AS3MT: variants seen among roughly 807,000 people sequenced by gnomAD.
The protein encoded by AS3MT is arsenite methyltransferase.
In AS3MT, 47 loss-of-function variants were observed where a neutral mutation model predicts 45.3. The ratio of observed to expected loss-of-function variants is 1.04; its 90% CI spans 0.82 to 1.32. The LOEUF is 1.32. AS3MT is among the 40% of genes most tolerant of loss of function. AS3MT has a pLI of 0.00. For missense variants in AS3MT, 396 were observed against 451.1 expected (o/e 0.88, Z 1.11); for synonymous variants, 141 against 152.8 (o/e 0.92, Z 0.57).
chr10:102,880,211 A>G lies in AS3MT; in HGVS notation c.885+1220A>G, dbSNP rs1391287441. 2.6e-5 allele frequency among the ~76,000 whole-genome samples: 4 copies of G among 152,220 alleles called. No individual in the cohort carries two copies. In the East Asian group the frequency reaches 5.8e-4, roughly 22 times the overall value. ...AATTGGCATTTTTACTGCCCTGTGCATAGTAAGATTTGTTTTCTCAAAATG... is the reference window on the plus strand; with the variant it reads ...AATTGGCATTTTTACTGCCCTGTGCGTAGTAAGATTTGTTTTCTCAAAATG... On this transcript the variant is annotated intron_variant, in intron 9 of 10. Coordinates refer to ENST00000369880, the MANE Select transcript of AS3MT (RefSeq NM_020682.4).
At chr10:102,876,332 C>A (rs1484121235) in intron 6 of AS3MT, among the ~76,000 whole-genome samples, 7 of 5,030 alleles carry the variant, frequency 1.4e-3, no homozygotes, top group East Asian at 9.3e-3. Context: ...CCTCTAACTC[C>A]TGAGTTAGAG....
intron 6 of AS3MT, among the ~76,000 whole-genome samples, chr10:102,875,142 A>G (rs926305869): frequency 2.0e-5 from 3 of 152,198 alleles, no homozygotes. Flanking sequence ...GGAGCTCCAC[A>G]GCCTTCATTG....
chr10:102,898,928 T>A (rs1431908646), intron 10 of AS3MT, among the ~76,000 whole-genome samples: 1 of 152,222 alleles, frequency 6.6e-6, no homozygotes, highest in Non-Finnish European at 1.5e-5. Flanking sequence ...CTCTCCATAG[T>A]TGTACTTCTC....
Position 102,873,094 on chromosome 10 carries a change from T to C in AS3MT, c.322-3T>C. 2 of 1,567,394 alleles carry C rather than the reference T, an allele frequency of 1.3e-6. No individual in the cohort carries two copies. The highest frequency in any genetic ancestry group is 2.3e-5 in the East Asian group (1 of 43,798). On this transcript the variant is annotated splice_polypyrimidine_tract_variant and splice_region_variant and intron_variant, in intron 4 of 10. Transcript: ENST00000369880. ...TATCAAAACTATATTTTTCTTACTT[T>C]AGGTGGAAGTGGCTGAAAAGTATCT...
intron 10 of AS3MT, among the ~76,000 whole-genome samples, chr10:102,894,252 C>T (rs556519560): frequency 7.9e-5 from 12 of 151,678 alleles, no homozygotes; most frequent in East Asian, 2.0e-4. Context: ...AGTGAAACCC[C>T]GTCTCTACTA....
At chr10:102,877,160 C>A in intron 7 of AS3MT, 125 bp downstream of exon 7, 1 of 825,134 alleles carries the variant, frequency 1.2e-6, no homozygotes, top group Non-Finnish European at 1.9e-6. Context: ...GCCAAGGTTC[C>A]ATTCTTCCTC....
At chr10:102,900,452 T>C (rs980867179) in intron 10 of AS3MT, 141 bp from the exon 11 acceptor site, 25 of 596,524 alleles carry the variant, frequency 4.2e-5, no homozygotes, top group Admixed American at 2.3e-4. Context: ...GAATGACTGA[T>C]GTTACTCCCA....
intron 5 of AS3MT, among the ~76,000 whole-genome samples, chr10:102,874,256 G>GAAA (rs751101745): frequency 2.9e-5 from 4 of 140,020 alleles, no homozygotes; most frequent in Non-Finnish European, 6.2e-5. Context: ...ATCCTCTCGG[G>GAAA]AAAAAAAAAA....
At chr10:102,879,894 GTA>G (rs34006263) in intron 9 of AS3MT, among the ~76,000 whole-genome samples, 33,190 of 149,112 alleles carry the variant, frequency 0.22, 4,007 homozygotes, top group Middle Eastern at 0.31. Context: ...GTTTATATGT[GTA>G]TATATATATA....
At chr10:102,884,722 T>A (rs1382732953) in intron 9 of AS3MT, among the ~76,000 whole-genome samples, 1 of 151,994 alleles carries the variant, frequency 6.6e-6, no homozygotes, top group Non-Finnish European at 1.5e-5. Context: ...AATTTTTGTA[T>A]TTTTAGTAGA....
At chr10:102,870,287 G>C in intron 3 of AS3MT, 76 bp downstream of exon 3, 2 of 1,561,208 alleles carry the variant, frequency 1.3e-6, no homozygotes, top group Non-Finnish European at 1.8e-6. Context: ...AGGTCACTAG[G>C]GAATTAACCC....
Position 102,878,962 on chromosome 10 carries a change from C to A in AS3MT, c.856C>A (p.Leu286Ile). 6.2e-7 allele frequency: 1 copy of A among 1,612,476 alleles called. No individual in the cohort carries two copies. Among genetic ancestry groups the A allele is most frequent in the Admixed American group, 1.7e-5 (1 of 59,726 alleles). Residue 286 changes from leucine (L) to isoleucine (I), a missense_variant, in exon 9 of 11, where the codon CTA (leucine) becomes ATA (isoleucine). By Grantham distance (5) the Leu-to-Ile change is conservative (BLOSUM62 2). Transcript: ENST00000369880. ...NGGITGHEKE[L>I]MFDANFTFKE... The stretch of plus-strand genomic sequence containing the variant: ...AGGAATTACAGGACATGAAAAAGAA[C>A]TAATGTTTGATGCCAATTTTACATT...
Position 102,878,833 on chromosome 10 carries a change from T to A in AS3MT, c.743-16T>A. On this transcript the variant is annotated splice_polypyrimidine_tract_variant and intron_variant, in intron 8 of 10. Transcript: ENST00000369880. Reference sequence around the variant, plus strand: ...GGGAGTGCTGGAGATGAACCGTGAATAAATTCTATTTTTAGGTGACTGTCG... The same window carrying A: ...GGGAGTGCTGGAGATGAACCGTGAAAAAATTCTATTTTTAGGTGACTGTCG... 2 of 1,610,330 alleles carry A rather than the reference T, an allele frequency of 1.2e-6. No homozygotes were observed. Among genetic ancestry groups the A allele is most frequent in the Middle Eastern group, 1.7e-4 (1 of 6,026 alleles).
Position 102,888,865 on chromosome 10 carries a change from A to ATT in AS3MT, c.886-1678_886-1677insTT, listed in dbSNP as rs1564794436. The stretch of plus-strand genomic sequence containing the variant: ...TTCATCAAACCCTATATATATATAT[A>ATT]TATATATATATATATATTTTTTTTT... On this transcript the variant is annotated intron_variant, in intron 9 of 10. Coordinates refer to ENST00000369880, the MANE Select transcript of AS3MT (RefSeq NM_020682.4). 4.8e-5 allele frequency among the ~76,000 whole-genome samples: 4 copies of ATT among 83,520 alleles called. 1 individual carries two copies. Among genetic ancestry groups the ATT allele is most frequent in the South Asian group, 4.4e-4 (1 of 2,262 alleles). 54.8% of individuals were successfully genotyped at this position (83,520 alleles called of 152,430 possible).
chr10:102,875,930 A>T (rs191177668), intron 6 of AS3MT, among the ~76,000 whole-genome samples: 2,326 of 152,192 alleles, frequency 0.015, 31 homozygotes, highest in Admixed American at 0.038. Context: ...ATTTTTTTTT[A>T]AATTGACAAC....
At chr10:102,880,950 T>C (rs929226208) in intron 9 of AS3MT, among the ~76,000 whole-genome samples, 17 of 152,318 alleles carry the variant, frequency 1.1e-4, no homozygotes, top group African/African-American at 3.8e-4. Context: ...TTCCTTAAAA[T>C]CCCAGAGTAT....
At chr10:102,869,782 A>T (rs372049725) in intron 1 of AS3MT, 23 bp from the exon 2 acceptor site, 8 of 1,613,858 alleles carry the variant, frequency 5.0e-6, no homozygotes, top group Admixed American at 1.7e-5. Flanking sequence ...TCTCCTTTCA[A>T]CTAACTTTCC....
At position 102,872,443 on chromosome 10, in the gene AS3MT, C is replaced by G; in HGVS notation, c.171-5C>G. The G allele has an allele frequency of 2.5e-6, 4 of 1,613,502 alleles. No homozygotes were observed. The highest frequency in any genetic ancestry group is 3.4e-6 in the Non-Finnish European group (4 of 1,179,818). ...GGGAAAAAATATGTGTTTTCCATTTCCCAGATATTATGGCTGTGGTCTGGT... is the reference window on the plus strand; with the variant it reads ...GGGAAAAAATATGTGTTTTCCATTTGCCAGATATTATGGCTGTGGTCTGGT... On this transcript the variant is annotated splice_region_variant and splice_polypyrimidine_tract_variant and intron_variant, in intron 3 of 10. Coordinates refer to ENST00000369880, the MANE Select transcript of AS3MT (RefSeq NM_020682.4).
chr10:102,877,135 G>A, intron 7 of AS3MT, 100 bp downstream of exon 7: 1 of 1,159,980 alleles, frequency 8.6e-7, no homozygotes, highest in Non-Finnish European at 1.3e-6. Flanking sequence ...AGATCACATG[G>A]GGTTAGGCCA....
Sources: gnomAD v4.1 joint callset for allele counts (sites outside exome capture counted in the v4.1 genomes callset) on GRCh38, gnomAD v4.1.1 for gene constraint, MANE v1.5 for transcripts, NCBI Gene and HGNC (gene_info 2026-07-23, HGNC 2026-07-21) for gene names.